Variants in SLC4A8 observed in about 807,000 individuals in gnomAD.
SLC4A8 encodes the protein electroneutral sodium bicarbonate exchanger 1.
Under a neutral mutation model 125.0 loss-of-function variants are expected in SLC4A8, and 40 were observed. The ratio of observed to expected loss-of-function variants is 0.32; its 90% CI spans 0.25 to 0.42. The LOEUF is 0.42. Among genes scored for constraint, SLC4A8 ranks in the 10% least tolerant of loss-of-function variants. SLC4A8 has a pLI of 1.00. For missense variants in SLC4A8, 863 were observed against 1,355.1 expected, an observed-to-expected ratio of 0.64 and a Z score of 5.70; for synonymous variants, 456 against 476.0, an observed-to-expected ratio of 0.96 and a Z score of 0.55.
chr12:51,448,802 CTG>C (rs1949871972), intron 2 of SLC4A8, among the ~76,000 whole-genome samples: 1 of 152,110 alleles, frequency 6.6e-6, no homozygotes. Flanking sequence ...TCAGCAGAGA[CTG>C]GGGTCAGAAG....
intron 1 of SLC4A8, among the ~76,000 whole-genome samples, chr12:51,417,857 G>A (rs1477621123): frequency 1.3e-5 from 2 of 152,110 alleles, no homozygotes; most frequent in African/African-American, 4.8e-5. Flanking sequence ...TTGCCACGTT[G>A]GCCAAGCTGA....
At chr12:51,457,837 G>A (rs985184176) in intron 6 of SLC4A8, among the ~76,000 whole-genome samples, 1 of 152,116 alleles carries the variant, frequency 6.6e-6, no homozygotes, top group Non-Finnish European at 1.5e-5. Context: ...TTTGAGACCC[G>A]AGAAGGTAAA....
intron 22 of SLC4A8, among the ~76,000 whole-genome samples, chr12:51,501,232 A>C (rs1049205977): frequency 3.9e-5 from 6 of 152,174 alleles, no homozygotes; most frequent in Non-Finnish European, 7.4e-5. Flanking sequence ...AGTTATGCTG[A>C]GCTTTGGGCT....
intron 16 of SLC4A8, chr12:51,480,482 ATGG>A (rs1950998045): frequency 9.5e-7 from 1 of 1,050,484 alleles, no homozygotes; most frequent in African/African-American, 1.7e-5. Context: ...TGTGTGAGAC[ATGG>A]TGGTATAATT....
In SLC4A8 at chr12:51,514,472, G is replaced by A. The variant is rs1248497806; in HGVS notation, c.*7034G>A. The A allele has an allele frequency of 1.3e-5, 2 of 152,250 alleles. No homozygotes were observed. The highest frequency in any genetic ancestry group is 1.5e-5 in the Non-Finnish European group (1 of 68,046). 9.4% of individuals were successfully genotyped at this position (152,250 alleles called of 1,614,324 possible). A position where few individuals can be genotyped will look rare whatever the true frequency, so the allele number is the denominator to read the frequency against. ...AGTCTGTCAAGTTCTTTGGAGGAAA[G>A]AAGTTCTTGGTCAGAGGTCCTAAAA... On this transcript the variant is annotated 3_prime_UTR_variant, in exon 25 of 25. Transcript: ENST00000453097.
At chr12:51,453,838 C>T in intron 5 of SLC4A8, 139 bp downstream of exon 5, 9 of 498,240 alleles carry the variant, frequency 1.8e-5, no homozygotes, top group Non-Finnish European at 2.1e-5. Flanking sequence ...CCTCAATGTC[C>T]TTGGCTGTGG....
Position 51,481,161 on chromosome 12 carries a change from G to A in SLC4A8, c.2173-4626G>A, listed in dbSNP as rs189519688. Among the ~76,000 whole-genome samples, 7 of 152,298 alleles carry A rather than the reference G, an allele frequency of 4.6e-5. No individual in the cohort carries two copies. In the East Asian group the frequency reaches 1.3e-3, roughly 29 times the overall value. On this transcript the variant is annotated intron_variant, in intron 16 of 24. Coordinates refer to ENST00000453097, the MANE Select transcript of SLC4A8 (RefSeq NM_001039960.3). ...TGAGGGACCATTTAGAGATTTAGATGTTATATTTTTGGATTATTACAGAGT... is the reference window on the plus strand; with the variant it reads ...TGAGGGACCATTTAGAGATTTAGATATTATATTTTTGGATTATTACAGAGT...
intron 14 of SLC4A8, among the ~76,000 whole-genome samples, chr12:51,474,086 C>A (rs1950791978): frequency 6.6e-6 from 1 of 152,146 alleles, no homozygotes; most frequent in African/African-American, 2.4e-5. Context: ...TCATTCTGGG[C>A]ACATCAGATG....
chr12:51,443,697 T>C (rs1949675036), intron 2 of SLC4A8, among the ~76,000 whole-genome samples: 1 of 152,222 alleles, frequency 6.6e-6, no homozygotes, highest in South Asian at 2.1e-4. Context: ...TTATAACTTC[T>C]AAAAAGGCTT....
chr12:51,424,846 T>A lies in SLC4A8; in HGVS notation c.-142T>A, dbSNP rs929270310. ...CGGATGCCTCGCGGGCCGGTGGCTA[T>A]GGAGGCGGCGGCGGTTGATGGTTGA... On this transcript the variant is annotated 5_prime_UTR_variant, in exon 1 of 25. The change abolishes an upstream ATG in the 5' untranslated region. Transcript: ENST00000453097. The A allele has an allele frequency of 2.3e-6, 2 of 852,406 alleles. No individual in the cohort carries two copies. The highest frequency in any genetic ancestry group is 3.6e-6 in the Non-Finnish European group (2 of 550,432). The allele number at this position is 852,406 out of a possible 1,614,324, so 52.8% of individuals were successfully genotyped here. A position where few individuals can be genotyped will look rare whatever the true frequency, so the allele number is the denominator to read the frequency against.
At chr12:51,444,345 G>A (rs1304929280) in intron 2 of SLC4A8, among the ~76,000 whole-genome samples, 5 of 152,160 alleles carry the variant, frequency 3.3e-5, no homozygotes. Flanking sequence ...ACTGATGCCT[G>A]ATTTTCTGAC....
upstream of SLC4A8, chr12:51,421,812 C>G (rs1411398660): frequency 6.6e-6 from 1 of 152,190 alleles, no homozygotes; most frequent in Non-Finnish European, 1.5e-5. Context: ...GTCAAGAACT[C>G]TAGAATCAGA....
Position 51,481,512 on chromosome 12 carries a change from G to A in SLC4A8, c.2173-4275G>A, listed in dbSNP as rs11830006. The stretch of plus-strand genomic sequence containing the variant: ...GAAATGATGTCTTTTTCACCTTGTA[G>A]GTATCATTGTTGCTAAATCACATCA... On this transcript the variant is annotated intron_variant, in intron 16 of 24. Coordinates refer to ENST00000453097, the MANE Select transcript of SLC4A8 (RefSeq NM_001039960.3). Among the ~76,000 whole-genome samples, 598 of 152,288 alleles carry A rather than the reference G, an allele frequency of 3.9e-3. 2 individuals are homozygous for A. The highest frequency in any genetic ancestry group is 0.013 in the African/African-American group (552 of 41,552).
At chr12:51,452,308 G>A in intron 4 of SLC4A8, 49 bp downstream of exon 4, 1 of 1,605,700 alleles carries the variant, frequency 6.2e-7, no homozygotes, top group Non-Finnish European at 8.5e-7. Context: ...GTAGGCAAGT[G>A]TGTACCCTTC....
chr12:51,425,094 T>A, intron 1 of SLC4A8, 59 bp downstream of exon 1: 1 of 1,527,712 alleles, frequency 6.5e-7, no homozygotes, highest in South Asian at 1.2e-5. Context: ...CCTCATCCTC[T>A]GCCCACCCTC....
chr12:51,479,907 C>T, intron 16 of SLC4A8: 1 of 374,714 alleles, frequency 2.7e-6, no homozygotes, highest in East Asian at 8.7e-5. Flanking sequence ...CTATGGCTGC[C>T]CTTTTTTCTG....
chr12:51,491,740 GACACACACACAC>G (rs35694156), intron 19 of SLC4A8, among the ~76,000 whole-genome samples: 2 of 145,930 alleles, frequency 1.4e-5, no homozygotes, highest in Admixed American at 6.9e-5. Flanking sequence ...GGGATGGGCA[GACACACACACAC>G]ACACACACAC....
At chr12:51,500,138 G>A (rs969567141) in intron 22 of SLC4A8, among the ~76,000 whole-genome samples, 1 of 152,208 alleles carries the variant, frequency 6.6e-6, no homozygotes, top group Non-Finnish European at 1.5e-5. Context: ...TATTTATTAA[G>A]ATGGGGAAGA....
intron 1 of SLC4A8, chr12:51,425,269 C>T: frequency 7.6e-7 from 1 of 1,313,562 alleles, no homozygotes; most frequent in Non-Finnish European, 9.7e-7. Flanking sequence ...TGCCGCATCC[C>T]TTGCGCCGCC....
Sources: allele counts gnomAD v4.1 joint callset (sites outside exome capture counted in the v4.1 genomes callset), GRCh38; gene constraint gnomAD v4.1.1; transcripts MANE v1.5; gene names NCBI Gene and HGNC (gene_info 2026-07-23, HGNC 2026-07-21).